ATP10B: variants seen among roughly 807,000 people sequenced by gnomAD.
The protein encoded by ATP10B is phospholipid-transporting ATPase VB.
Under a neutral mutation model 141.2 loss-of-function variants are expected in ATP10B, and 122 were observed. The observed-to-expected ratio is 0.86, with a 90% CI of 0.75 to 1.00. ATP10B has a LOEUF of 1.00. ATP10B is among the 50% of genes least tolerant of loss of function. ATP10B has a pLI of 0.00. For synonymous variants in ATP10B, 685 were observed against 692.0 expected (o/e 0.99, Z 0.16); for missense variants, 1,876 against 1,825.3 (o/e 1.03, Z -0.51).
At chr5:160,916,058 C>T in the ATP10B span, among the ~76,000 whole-genome samples, 32 of 152,204 alleles carry the variant, frequency 2.1e-4, no homozygotes, top group Non-Finnish European at 3.4e-4. Flanking sequence ...TGATCCCCTC[C>T]TCCATGTTCC....
intron 1 of ATP10B, among the ~76,000 whole-genome samples, chr5:160,849,641 A>ACACACACACT (rs1355241101): frequency 6.6e-6 from 1 of 151,138 alleles, no homozygotes; most frequent in Non-Finnish European, 1.5e-5. Context: ...ACACACACAC[A>ACACACACACT]CTCTTTTAAT....
At chr5:160,728,319 C>G (rs1047638815) in intron 2 of ATP10B, among the ~76,000 whole-genome samples, 1 of 152,048 alleles carries the variant, frequency 6.6e-6, no homozygotes, top group Non-Finnish European at 1.5e-5. Flanking sequence ...AGTTTTTCCC[C>G]GATACACCCT....
intron 2 of ATP10B, among the ~76,000 whole-genome samples, chr5:160,751,175 T>C (rs1168715701): frequency 6.6e-6 from 1 of 152,182 alleles, no homozygotes; most frequent in African/African-American, 2.4e-5. Flanking sequence ...GGACACTCAA[T>C]ACATATTTAT....
the ATP10B span, among the ~76,000 whole-genome samples, chr5:160,859,136 T>G: frequency 6.6e-6 from 1 of 151,996 alleles, no homozygotes; most frequent in East Asian, 1.9e-4. Context: ...TTCCTTCATT[T>G]GCAAATGTCT....
chr5:160,589,814 C>T lies in ATP10B; in HGVS notation c.3646-118G>A, dbSNP rs933588356. The T allele has an allele frequency of 6.8e-6, 5 of 732,560 alleles. No individual in the cohort carries two copies. In the African/African-American group the frequency reaches 8.6e-5, roughly 13 times the overall value. The allele number at this position is 732,560 out of a possible 1,614,324, so 45.4% of individuals were successfully genotyped here. A position where few individuals can be genotyped will look rare whatever the true frequency, so the allele number is the denominator to read the frequency against. Reference sequence around the variant, plus strand: ...TGTCAATGGAGAAGGAGGTACCCAGCTGCCATCTGTGTGGTACTGATCCGA... The same window carrying T: ...TGTCAATGGAGAAGGAGGTACCCAGTTGCCATCTGTGTGGTACTGATCCGA... On this transcript the variant is annotated intron_variant, in intron 23 of 25. Transcript: ENST00000327245.
At chr5:160,621,246 T>C (rs771739728) in intron 14 of ATP10B, among the ~76,000 whole-genome samples, 1 of 152,238 alleles carries the variant, frequency 6.6e-6, no homozygotes, top group African/African-American at 2.4e-5. Context: ...GTATCTCATT[T>C]CATCCTCCCA....
At chr5:160,688,185 T>C in intron 4 of ATP10B, 91 bp from the exon 5 acceptor site, 1 of 1,354,594 alleles carries the variant, frequency 7.4e-7, no homozygotes, top group Non-Finnish European at 9.9e-7. Flanking sequence ...GGGTAGACAC[T>C]GAAAGTAGTC....
intron 24 of ATP10B, among the ~76,000 whole-genome samples, chr5:160,585,744 A>C (rs1431560612): frequency 1.3e-5 from 2 of 152,216 alleles, no homozygotes; most frequent in Admixed American, 6.5e-5. Context: ...CAGGAGCCAG[A>C]GTCCCCATTG....
At chr5:160,667,414 C>G (rs763858914) in intron 7 of ATP10B, among the ~76,000 whole-genome samples, 8 of 151,876 alleles carry the variant, frequency 5.3e-5, no homozygotes, top group Admixed American at 3.3e-4. Context: ...TGAGGATAGA[C>G]GAGATAATCA....
intron 13 of ATP10B, among the ~76,000 whole-genome samples, chr5:160,624,692 T>C (rs1199184830): frequency 6.6e-6 from 1 of 152,226 alleles, no homozygotes; most frequent in Non-Finnish European, 1.5e-5. Context: ...ATGTCATTTA[T>C]ATAACCTCAT....
At position 160,756,258 on chromosome 5, in the gene ATP10B, T is replaced by C. The variant is rs559869994; in HGVS notation, c.-331+29301A>G. ...TTCTTTCCTTCTTATTGTACAGATA[T>C]ACCACAAATTGTTTAGTTACTTATT... is the stretch of plus-strand genomic sequence containing the variant. On this transcript the variant is annotated intron_variant, in intron 2 of 25. Transcript: ENST00000327245. Among the ~76,000 whole-genome samples, 17 of 152,302 alleles carry C rather than the reference T, an allele frequency of 1.1e-4. 1 individual carries two copies. The South Asian group carries it at 3.5e-3, about 32-fold the overall frequency.
chr5:160,690,340 G>C (rs1281165725), intron 3 of ATP10B, among the ~76,000 whole-genome samples: 5 of 152,124 alleles, frequency 3.3e-5, no homozygotes, highest in Admixed American at 2.0e-4. Flanking sequence ...GGCAACAAAA[G>C]CCAAAATTGA....
the ATP10B span, among the ~76,000 whole-genome samples, chr5:160,924,817 A>G: frequency 6.6e-6 from 1 of 152,358 alleles, no homozygotes; most frequent in East Asian, 1.9e-4. Context: ...ACAGAGCTGA[A>G]AGAGGCCCTC....
chr5:160,684,050 T>TA (rs539639547), intron 6 of ATP10B, among the ~76,000 whole-genome samples: 1 of 152,164 alleles, frequency 6.6e-6, no homozygotes, highest in Non-Finnish European at 1.5e-5. Flanking sequence ...CAACTCACCC[T>TA]AAAAAATATT....
At chr5:160,882,751 CAAGTT>C in the ATP10B span, among the ~76,000 whole-genome samples, 8 of 151,964 alleles carry the variant, frequency 5.3e-5, no homozygotes, top group East Asian at 1.9e-4. Context: ...AGAGAAAAAA[CAAGTT>C]AAGAATAATG....
In ATP10B at chr5:160,734,698, A is replaced by G. The variant is rs371345462; in HGVS notation, c.-330-17664T>C. 2.5e-3 allele frequency among the ~76,000 whole-genome samples: 381 copies of G among 152,184 alleles called. 2 individuals carry two copies. The highest frequency in any genetic ancestry group is 8.8e-3 in the African/African-American group (365 of 41,584). On this transcript the variant is annotated intron_variant, in intron 2 of 25. Transcript: ENST00000327245. Reference sequence around the variant, plus strand: ...GGAACAACAACTACTCAATAAAAACACAACAAAAGAACACATTGAAACAGA... The same window carrying G: ...GGAACAACAACTACTCAATAAAAACGCAACAAAAGAACACATTGAAACAGA...
At chr5:160,916,126 A>G in the ATP10B span, among the ~76,000 whole-genome samples, 1 of 152,196 alleles carries the variant, frequency 6.6e-6, no homozygotes, top group African/African-American at 2.4e-5. Context: ...TAGTCTACAG[A>G]TAAGGAAACT....
At chr5:160,746,249 C>T (rs1333987721) in intron 2 of ATP10B, among the ~76,000 whole-genome samples, 1 of 152,220 alleles carries the variant, frequency 6.6e-6, no homozygotes, top group Non-Finnish European at 1.5e-5. Flanking sequence ...TGCACAGCCT[C>T]ACTCAGAGTG....
chr5:160,855,590 G>T (rs912657294), upstream of ATP10B, among the ~76,000 whole-genome samples: 2 of 151,244 alleles, frequency 1.3e-5, no homozygotes, highest in Non-Finnish European at 3.0e-5. Context: ...CCTTCACAGG[G>T]TATTACACAG....
Sources: allele counts gnomAD v4.1 joint callset (sites outside exome capture counted in the v4.1 genomes callset), GRCh38; gene constraint gnomAD v4.1.1; transcripts MANE v1.5; gene names NCBI Gene and HGNC (gene_info 2026-07-23, HGNC 2026-07-21).